Variants in TSNARE1 observed in about 807,000 individuals in gnomAD.
TSNARE1 encodes t-SNARE domain-containing protein 1.
A neutral mutation model predicts 62.0 loss-of-function variants in TSNARE1; 49 were observed. That is an observed-to-expected ratio of 0.79 (90% CI 0.63 to 1.00). TSNARE1 has a LOEUF of 1.00. TSNARE1 is among the 50% of genes least tolerant of loss of function. The pLI, the probability that TSNARE1 is intolerant of heterozygous loss-of-function variation, is 0.00. For synonymous variants in TSNARE1, 328 were observed against 294.4 expected, an observed-to-expected ratio of 1.11 and a Z score of -1.17; for missense variants, 755 against 700.1, an observed-to-expected ratio of 1.08 and a Z score of -0.88.
In TSNARE1 at chr8:142,266,368, T is replaced by G. The variant is rs77168062; in HGVS notation, c.1446+8413A>C. Among the ~76,000 whole-genome samples, 474 of 152,370 alleles carry G rather than the reference T, an allele frequency of 3.1e-3. 3 individuals are homozygous for G. Among genetic ancestry groups the G allele is most frequent in the African/African-American group, 0.011 (441 of 41,592 alleles). On this transcript the variant is annotated intron_variant, in intron 12 of 13. Transcript: ENST00000524325. ...CATACTCTTTCTGGGATTCCAGTCC[T>G]TCACCTTGAAGTCCATTTTTTGGAA...
At position 142,229,737 on chromosome 8, in the gene TSNARE1, C is replaced by T. The variant is rs190028878; in HGVS notation, c.1447-158G>A. ...ACCTGTGTCTTTCAAGGGGCTCTGT[C>T]CTGAGCTAGCATGACTGTTTATTGA... is the stretch of plus-strand genomic sequence containing the variant. On this transcript the variant is annotated intron_variant, in intron 12 of 13. Transcript: ENST00000524325. 2.6e-3 allele frequency among the ~76,000 whole-genome samples: 395 copies of T among 152,246 alleles called. 2 individuals are homozygous for T. The highest frequency in any genetic ancestry group is 8.3e-3 in the African/African-American group (343 of 41,534).
chr8:142,299,054 T>C (rs1477003212), intron 10 of TSNARE1, among the ~76,000 whole-genome samples: 1 of 152,210 alleles, frequency 6.6e-6, no homozygotes, highest in African/African-American at 2.4e-5. Flanking sequence ...GGCCCAGAGC[T>C]GGTGCCTTCC....
intron 9 of TSNARE1, among the ~76,000 whole-genome samples, chr8:142,309,817 G>C (rs1827285054): frequency 6.6e-6 from 1 of 152,156 alleles, no homozygotes; most frequent in East Asian, 1.9e-4. Flanking sequence ...TGTGTAAACT[G>C]CTGCTAGCTA....
intron 3 of TSNARE1, 69 bp downstream of exon 3, chr8:142,345,674 C>T: frequency 6.8e-7 from 1 of 1,462,306 alleles, no homozygotes; most frequent in South Asian, 1.4e-5. Flanking sequence ...CTGACCCTGC[C>T]CTCCTCAGCA....
chr8:142,403,410 A>G (rs954507621), upstream of TSNARE1, among the ~76,000 whole-genome samples: 2 of 144,482 alleles, frequency 1.4e-5, no homozygotes, highest in African/African-American at 5.4e-5. Context: ...CGTTTTGCAT[A>G]TGGGGATGAC....
chr8:142,281,827 G>C (rs1371253081), intron 11 of TSNARE1, among the ~76,000 whole-genome samples: 1 of 140,504 alleles, frequency 7.1e-6, no homozygotes, highest in East Asian at 2.2e-4. Context: ...CTTGCCCCAG[G>C]TGAGGTTTCC....
At chr8:142,232,862 TC>T (rs1223937593) in intron 12 of TSNARE1, among the ~76,000 whole-genome samples, 1 of 152,064 alleles carries the variant, frequency 6.6e-6, no homozygotes, top group African/African-American at 2.4e-5. Flanking sequence ...CCAGCTCCCC[TC>T]CCCGACCCCA....
At position 142,331,756 on chromosome 8, in the gene TSNARE1, C is replaced by T. The variant is rs1563929804; in HGVS notation, c.821G>A (p.Ser274Asn). The T allele has an allele frequency of 2.5e-6, 4 of 1,596,198 alleles. No individual in the cohort carries two copies. Among genetic ancestry groups the T allele is most frequent in the African/African-American group, 1.3e-5 (1 of 74,542 alleles). ...GCCCAGGCCAGACGCACACTCACCA[C>T]TGGAGTTGATTCGGAAGACGTTGGC... ...MSANVFRINS[S>N]VTSLERSLQS... The change falls in exon 5 of 14, where the codon AGT becomes AAT. Residue 274 changes from serine to asparagine, a missense_variant and splice_region_variant. Coordinates refer to ENST00000524325, the MANE Select transcript of TSNARE1 (RefSeq NM_145003.5).
chr8:142,225,842 C>A (rs920428997), intron 13 of TSNARE1, among the ~76,000 whole-genome samples: 5 of 152,242 alleles, frequency 3.3e-5, no homozygotes, highest in Non-Finnish European at 7.3e-5. Context: ...CATGTGTTCT[C>A]TCATAGCCCG....
At chr8:142,389,800 T>C (rs1201412011) in intron 1 of TSNARE1, among the ~76,000 whole-genome samples, 1 of 152,246 alleles carries the variant, frequency 6.6e-6, no homozygotes, top group African/African-American at 2.4e-5. Flanking sequence ...TTGGAATGTA[T>C]AATGAAGCTC....
chr8:142,252,365 G>A (rs1818218632), intron 12 of TSNARE1, among the ~76,000 whole-genome samples: 1 of 152,296 alleles, frequency 6.6e-6, no homozygotes, highest in South Asian at 2.1e-4. Context: ...GCCCCCCACT[G>A]GCTGTGTGTC....
At chr8:142,395,371 C>T (rs117769622) in intron 1 of TSNARE1, among the ~76,000 whole-genome samples, 2,109 of 152,202 alleles carry the variant, frequency 0.014, 29 homozygotes, top group Non-Finnish European at 0.019. Flanking sequence ...ACGGCGTCCC[C>T]CAGCGGAGAC....
At chr8:142,212,850 C>T (rs1297709600) in intron 13 of TSNARE1, among the ~76,000 whole-genome samples, 1 of 129,444 alleles carries the variant, frequency 7.7e-6, no homozygotes, top group Non-Finnish European at 1.6e-5. Context: ...TCCTTCTCTT[C>T]CCTCCCTCCC....
intron 10 of TSNARE1, among the ~76,000 whole-genome samples, chr8:142,298,757 C>T (rs1825184980): frequency 6.6e-6 from 1 of 152,208 alleles, no homozygotes; most frequent in South Asian, 2.1e-4. Context: ...GCCTGAGCCG[C>T]CCGAGGGGCT....
At chr8:142,282,759 T>C (rs948908388) in intron 11 of TSNARE1, among the ~76,000 whole-genome samples, 6 of 109,224 alleles carry the variant, frequency 5.5e-5, no homozygotes, top group Non-Finnish European at 7.4e-5. Flanking sequence ...AAAGGCGGGG[T>C]CAGTGTCTGC....
At chr8:142,231,769 GT>G (rs1485962180) in intron 12 of TSNARE1, among the ~76,000 whole-genome samples, 2 of 152,172 alleles carry the variant, frequency 1.3e-5, no homozygotes, top group Non-Finnish European at 2.9e-5. Flanking sequence ...GAAAGGTGAT[GT>G]GGCCTGCCCA....
At chr8:142,315,318 G>A (rs527614913) in intron 7 of TSNARE1, among the ~76,000 whole-genome samples, 26 of 152,286 alleles carry the variant, frequency 1.7e-4, no homozygotes, top group African/African-American at 2.6e-4. Flanking sequence ...ACCACCTGCC[G>A]GAGCCAGGAG....
chr8:142,219,943 G>C (rs1435792731), intron 13 of TSNARE1, among the ~76,000 whole-genome samples: 1 of 152,230 alleles, frequency 6.6e-6, no homozygotes, highest in African/African-American at 2.4e-5. Flanking sequence ...ACAGCAGGAG[G>C]TGAGGAAGAG....
chr8:142,266,350 T>C (rs1429514689), intron 12 of TSNARE1, among the ~76,000 whole-genome samples: 2 of 152,234 alleles, frequency 1.3e-5, no homozygotes, highest in African/African-American at 4.8e-5. Context: ...ACACATACTC[T>C]TTCTGGGATT....
Sources: allele counts gnomAD v4.1 joint callset (sites outside exome capture counted in the v4.1 genomes callset), GRCh38; gene constraint gnomAD v4.1.1; transcripts MANE v1.5; gene names NCBI Gene and HGNC (gene_info 2026-07-23, HGNC 2026-07-21).